Variants in GALNT13 observed in about 807,000 individuals in gnomAD.
GALNT13 encodes the protein polypeptide N-acetylgalactosaminyltransferase 13.
Under a neutral mutation model 64.2 loss-of-function variants are expected in GALNT13, and 28 were observed. The ratio of observed to expected loss-of-function variants is 0.44; its 90% CI spans 0.32 to 0.60. The LOEUF is 0.60. Among genes scored for constraint, GALNT13 ranks in the 20% least tolerant of loss-of-function variants. GALNT13 has a pLI of 0.05. For missense variants in GALNT13, 577 were observed against 669.8 expected, an observed-to-expected ratio of 0.86 and a Z score of 1.53; for synonymous variants, 214 against 224.6, an observed-to-expected ratio of 0.95 and a Z score of 0.42.
At chr2:153,104,734 T>C in the GALNT13 span, among the ~76,000 whole-genome samples, 2 of 152,284 alleles carry the variant, frequency 1.3e-5, no homozygotes, top group East Asian at 3.9e-4. Flanking sequence ...AAAAATATTC[T>C]GTAACCTATG....
At chr2:153,293,778 T>C in the GALNT13 span, among the ~76,000 whole-genome samples, 3 of 44,822 alleles carry the variant, frequency 6.7e-5, no homozygotes, top group African/African-American at 2.7e-4. Context: ...TGTGTGTGTG[T>C]GTGTGTGTGT....
At chr2:154,373,988 A>G (rs747638647) in intron 9 of GALNT13, among the ~76,000 whole-genome samples, 6 of 152,208 alleles carry the variant, frequency 3.9e-5, no homozygotes, top group Admixed American at 2.0e-4. Flanking sequence ...CAACTCCTCA[A>G]AGCCTTTTGT....
At chr2:153,699,253 G>A in the GALNT13 span, among the ~76,000 whole-genome samples, 1 of 152,076 alleles carries the variant, frequency 6.6e-6, no homozygotes, top group Non-Finnish European at 1.5e-5. Context: ...GATAAATAAC[G>A]AAATTAAGGC....
chr2:153,960,865 A>G (rs1324898906), intron 3 of GALNT13, among the ~76,000 whole-genome samples: 2 of 152,220 alleles, frequency 1.3e-5, no homozygotes, highest in African/African-American at 4.8e-5. Flanking sequence ...TTCATACTGA[A>G]GTTTTATTCA....
At chr2:154,204,698 A>G (rs532660900) in intron 4 of GALNT13, among the ~76,000 whole-genome samples, 4 of 152,252 alleles carry the variant, frequency 2.6e-5, no homozygotes, top group African/African-American at 9.6e-5. Context: ...TTTATTCTCC[A>G]TCTGTATTTT....
At chr2:153,738,108 TCTTA>T in the GALNT13 span, among the ~76,000 whole-genome samples, 3 of 152,050 alleles carry the variant, frequency 2.0e-5, no homozygotes, top group Admixed American at 6.5e-5. Flanking sequence ...TCTTTTTTTC[TCTTA>T]CTTAGAACAT....
the GALNT13 span, among the ~76,000 whole-genome samples, chr2:153,524,663 T>C: frequency 1.3e-5 from 2 of 152,194 alleles, no homozygotes; most frequent in African/African-American, 4.8e-5. Context: ...CAGATCAAAC[T>C]TGGCTGACTT....
At chr2:154,417,517 A>ATTTTTTTTTTTTT (rs775341273) in intron 11 of GALNT13, among the ~76,000 whole-genome samples, 21 of 127,036 alleles carry the variant, frequency 1.7e-4, no homozygotes, top group East Asian at 6.8e-4. Context: ...TTATTTATTT[A>ATTTTTTTTTTTTT]TTTATTTTTT....
At chr2:153,249,443 C>T in the GALNT13 span, among the ~76,000 whole-genome samples, 1 of 152,102 alleles carries the variant, frequency 6.6e-6, no homozygotes, top group Non-Finnish European at 1.5e-5. Context: ...TGAAAATAGC[C>T]ATACTGCCCA....
At chr2:153,188,916 A>G in the GALNT13 span, among the ~76,000 whole-genome samples, 4 of 152,174 alleles carry the variant, frequency 2.6e-5, no homozygotes, top group African/African-American at 9.6e-5. Context: ...TGATCAAGTC[A>G]GGGTATTTAG....
the GALNT13 span, among the ~76,000 whole-genome samples, chr2:153,655,884 G>A: frequency 8.4e-3 from 1,279 of 152,144 alleles, 14 homozygotes; most frequent in African/African-American, 0.029. Context: ...ATGTTACAAA[G>A]TGAGTAAATT....
chr2:154,197,525 G>A (rs1280445468), intron 4 of GALNT13, among the ~76,000 whole-genome samples: 1 of 151,948 alleles, frequency 6.6e-6, no homozygotes. Flanking sequence ...GATACACATA[G>A]TCAATTCCAG....
At chr2:153,210,849 A>G in the GALNT13 span, among the ~76,000 whole-genome samples, 2 of 152,186 alleles carry the variant, frequency 1.3e-5, no homozygotes, top group Non-Finnish European at 2.9e-5. Context: ...ATTATGTTGT[A>G]CTTGGGAAAA....
the GALNT13 span, among the ~76,000 whole-genome samples, chr2:153,253,276 T>G: frequency 2.7e-5 from 4 of 148,702 alleles, no homozygotes; most frequent in Admixed American, 6.7e-5. Context: ...GTTTGTCTGT[T>G]GTTGGTGTAT....
chr2:153,736,847 G>A, the GALNT13 span, among the ~76,000 whole-genome samples: 8 of 152,044 alleles, frequency 5.3e-5, no homozygotes, highest in Non-Finnish European at 8.8e-5. Flanking sequence ...GTGACTGGCT[G>A]CCACCACCAC....
At chr2:154,425,895 C>T (rs1206691475) in intron 11 of GALNT13, among the ~76,000 whole-genome samples, 1 of 152,176 alleles carries the variant, frequency 6.6e-6, no homozygotes, top group Non-Finnish European at 1.5e-5. Flanking sequence ...TGATGTCTCA[C>T]ATGGTGAGAA....
chr2:154,233,051 A>G (rs1573925113), intron 4 of GALNT13, among the ~76,000 whole-genome samples: 1 of 151,400 alleles, frequency 6.6e-6, no homozygotes, highest in Non-Finnish European at 1.5e-5. Flanking sequence ...AAAAAAAAAA[A>G]AAAAAAGAAA....
At chr2:153,684,188 T>C in the GALNT13 span, among the ~76,000 whole-genome samples, 1 of 151,702 alleles carries the variant, frequency 6.6e-6, no homozygotes, top group African/African-American at 2.4e-5. Flanking sequence ...GAATAATACA[T>C]AACAAGTGAG....
intron 4 of GALNT13, among the ~76,000 whole-genome samples, chr2:154,220,403 C>T (rs528366662): frequency 2.6e-5 from 4 of 152,132 alleles, no homozygotes; most frequent in South Asian, 2.1e-4. Context: ...TGATGACATA[C>T]CAAAGAACTA....
Sources: gnomAD v4.1 joint callset for allele counts (sites outside exome capture counted in the v4.1 genomes callset) on GRCh38, gnomAD v4.1.1 for gene constraint, MANE v1.5 for transcripts, NCBI Gene and HGNC (gene_info 2026-07-23, HGNC 2026-07-21) for gene names.